Variants in GPC6 observed in about 807,000 individuals in gnomAD.
The protein encoded by GPC6 is glypican-6.
GPC6 carries 14 observed loss-of-function variants against 55.2 expected under a neutral mutation model. That is an observed-to-expected ratio of 0.25 (90% CI 0.17 to 0.40). The LOEUF (loss-of-function observed/expected upper bound fraction) is 0.40, where lower values mean the gene tolerates loss of function less well. Among genes scored for constraint, GPC6 ranks in the 10% least tolerant of loss-of-function variants. GPC6 has a pLI of 1.00. For synonymous variants in GPC6, 278 were observed against 259.6 expected, an observed-to-expected ratio of 1.07 and a Z score of -0.68; for missense variants, 641 against 708.5, an observed-to-expected ratio of 0.90 and a Z score of 1.08.
At position 93,348,911 on chromosome 13, in the gene GPC6, T is replaced by A. The variant is rs141043351; in HGVS notation, c.160+121295T>A. The stretch of plus-strand genomic sequence containing the variant: ...ACAAACATGGGATATTTTTTTCCCC[T>A]CCATAGAGAATACATAGGTCACTAA... On this transcript the variant is annotated intron_variant, in intron 1 of 8. Transcript: ENST00000377047. 1.1e-4 allele frequency among the ~76,000 whole-genome samples: 17 copies of A among 152,252 alleles called. No individual in the cohort carries two copies. The East Asian group carries it at 1.2e-3, about 10-fold the overall frequency.
intron 4 of GPC6, among the ~76,000 whole-genome samples, chr13:94,141,737 A>G (rs547034833): frequency 1.3e-5 from 2 of 152,320 alleles, no homozygotes; most frequent in Non-Finnish European, 2.9e-5. Context: ...TGGAGAAAAG[A>G]ATCAGAATTT....
At chr13:93,360,367 C>G (rs569310258) in intron 1 of GPC6, among the ~76,000 whole-genome samples, 1 of 152,244 alleles carries the variant, frequency 6.6e-6, no homozygotes, top group Admixed American at 6.5e-5. Flanking sequence ...ATTGGCCTCC[C>G]TGAGAGATGT....
intron 3 of GPC6, among the ~76,000 whole-genome samples, chr13:93,986,144 T>C (rs2140410005): frequency 6.6e-6 from 1 of 152,344 alleles, no homozygotes; most frequent in South Asian, 2.1e-4. Flanking sequence ...GTTTGAGCCA[T>C]AATATTCTTT....
intron 4 of GPC6, among the ~76,000 whole-genome samples, chr13:94,067,559 G>A (rs1268688912): frequency 6.6e-6 from 1 of 150,418 alleles, no homozygotes; most frequent in Non-Finnish European, 1.5e-5. Context: ...TGGAGTCCAT[G>A]AGAGATAGAT....
intron 1 of GPC6, among the ~76,000 whole-genome samples, chr13:93,381,798 C>T (rs1190994193): frequency 1.3e-5 from 2 of 152,124 alleles, no homozygotes; most frequent in Non-Finnish European, 2.9e-5. Context: ...CTTTCCACCA[C>T]ATCACACTGC....
intron 3 of GPC6, among the ~76,000 whole-genome samples, chr13:93,893,957 C>A (rs369542179): frequency 6.6e-6 from 1 of 152,298 alleles, no homozygotes; most frequent in East Asian, 1.9e-4. Flanking sequence ...CACCGGTCCA[C>A]ATGCAGCTCA....
At chr13:94,270,603 T>A (rs982601588) in intron 4 of GPC6, among the ~76,000 whole-genome samples, 4 of 138,930 alleles carry the variant, frequency 2.9e-5, no homozygotes, top group Admixed American at 6.9e-5. Context: ...CTCCTTGTCT[T>A]CTTTTTCCAA....
At chr13:93,611,307 A>G (rs1244026033) in intron 2 of GPC6, among the ~76,000 whole-genome samples, 1 of 152,132 alleles carries the variant, frequency 6.6e-6, no homozygotes, top group African/African-American at 2.4e-5. Flanking sequence ...CAACTGAATT[A>G]TATCTCCACT....
intron 2 of GPC6, among the ~76,000 whole-genome samples, chr13:93,578,416 C>G (rs1223614392): frequency 6.6e-6 from 1 of 151,850 alleles, no homozygotes; most frequent in Non-Finnish European, 1.5e-5. Context: ...TCTTCATATT[C>G]TGTCTTGGTA....
chr13:93,830,990 A>T, intron 3 of GPC6: 1 of 161,244 alleles, frequency 6.2e-6, no homozygotes, highest in Non-Finnish European at 1.4e-5. Context: ...TCAGGACATC[A>T]GCACCTGGCA....
At chr13:93,410,070 G>A (rs1324519911) in intron 1 of GPC6, among the ~76,000 whole-genome samples, 1 of 152,176 alleles carries the variant, frequency 6.6e-6, no homozygotes, top group Admixed American at 6.6e-5. Context: ...AGCTGGGGCT[G>A]AAAGATTAAT....
intron 4 of GPC6, among the ~76,000 whole-genome samples, chr13:94,250,027 A>T (rs1891303162): frequency 6.6e-6 from 1 of 152,168 alleles, no homozygotes; most frequent in Admixed American, 6.6e-5. Context: ...CTTGGGTTTT[A>T]TGATGAGAAG....
chr13:94,114,994 A>G (rs1886385113), intron 4 of GPC6, among the ~76,000 whole-genome samples: 1 of 152,162 alleles, frequency 6.6e-6, no homozygotes, highest in African/African-American at 2.4e-5. Flanking sequence ...CTCAACCATT[A>G]AACTCTATTG....
chr13:93,798,689 C>G (rs915051176), intron 2 of GPC6, among the ~76,000 whole-genome samples: 10 of 152,056 alleles, frequency 6.6e-5, no homozygotes, highest in African/African-American at 2.4e-4. Flanking sequence ...GAGGCTGAGG[C>G]AGGCAGATCA....
chr13:93,729,253 A>T (rs1047379486), intron 2 of GPC6, among the ~76,000 whole-genome samples: 3 of 152,170 alleles, frequency 2.0e-5, no homozygotes, highest in African/African-American at 7.2e-5. Context: ...TGAGATTCTA[A>T]AAGAGTCCAG....
At chr13:93,609,995 C>A (rs762462127) in intron 2 of GPC6, among the ~76,000 whole-genome samples, 1 of 152,212 alleles carries the variant, frequency 6.6e-6, no homozygotes, top group Admixed American at 6.5e-5. Context: ...CTGTGCTCCC[C>A]TGAAGCATTT....
chr13:93,643,513 T>A (rs1161953642), intron 2 of GPC6, among the ~76,000 whole-genome samples: 1 of 152,104 alleles, frequency 6.6e-6, no homozygotes, highest in Non-Finnish European at 1.5e-5. Context: ...GGTGTGGAAG[T>A]AACTAAAATC....
At chr13:93,929,184 A>G (rs1878024164) in intron 3 of GPC6, among the ~76,000 whole-genome samples, 1 of 152,196 alleles carries the variant, frequency 6.6e-6, no homozygotes, top group Non-Finnish European at 1.5e-5. Flanking sequence ...GTCAAAAGCC[A>G]GAAAGTCAGC....
intron 1 of GPC6, among the ~76,000 whole-genome samples, chr13:93,263,344 G>A (rs1877213968): frequency 6.6e-6 from 1 of 151,694 alleles, no homozygotes; most frequent in African/African-American, 2.4e-5. Flanking sequence ...TGTTGTTGTT[G>A]TTTGTTTTTT....
Sources: gnomAD v4.1 joint callset for allele counts (sites outside exome capture counted in the v4.1 genomes callset) on GRCh38, gnomAD v4.1.1 for gene constraint, MANE v1.5 for transcripts, NCBI Gene and HGNC (gene_info 2026-07-23, HGNC 2026-07-21) for gene names.